AKAP17A: variants seen among roughly 807,000 people sequenced by gnomAD.
AKAP17A encodes A-kinase anchoring protein 17A.
In AKAP17A, 15 loss-of-function variants were observed where a neutral mutation model predicts 52.2. The observed-to-expected ratio is 0.29, with a 90% CI of 0.19 to 0.44. The LOEUF is 0.44. Ranked by LOEUF, AKAP17A falls within the 20% of genes least tolerant of loss-of-function variation. AKAP17A has a pLI of 1.00. For synonymous variants in AKAP17A, 514 were observed against 424.7 expected, an observed-to-expected ratio of 1.21 and a Z score of -2.58; for missense variants, 1,060 against 1,007.0, an observed-to-expected ratio of 1.05 and a Z score of -0.71.
Position 1,600,683 on chromosome X carries a change from C to G in AKAP17A, c.1177C>G (p.Gln393Glu). 5 of 1,544,034 alleles carry G rather than the reference C, an allele frequency of 3.2e-6. No homozygotes were observed. Among genetic ancestry groups the G allele is most frequent in the Non-Finnish European group, 4.4e-6 (5 of 1,145,190 alleles). ...AKAVKLREQEQKEEKLRLQQQ... is the reference protein window; with the variant it reads ...AKAVKLREQEEKEEKLRLQQQ... ...GGCTGTGAAGCTACGGGAACAGGAG[C>G]AGAAGGAGGAGAAGCTGAGGCTCCA... The change falls in exon 5 of 5, where the codon CAG (glutamine) becomes GAG (glutamate). Residue 393 changes from glutamine to glutamate, a missense_variant. This residue lies in a region of AKAP17A where 793 missense variants were observed against 629.9 expected (regional missense o/e 1.26). Transcript: ENST00000313871.
chrX:1,600,326 G>A (rs1480248649), intron 4 of AKAP17A: 40 of 745,766 alleles, frequency 5.4e-5, no homozygotes, highest in East Asian at 1.1e-4. Flanking sequence ...TGACCTAACC[G>A]CAGGCGCCTG....
chrX:1,600,439 A>G (rs1293599049), intron 4 of AKAP17A: 1 of 637,270 alleles, frequency 1.6e-6, no homozygotes, highest in South Asian at 2.0e-5. Context: ...TCTCACTCAG[A>G]CGCATGATGG....
intron 1 of AKAP17A, among the ~76,000 whole-genome samples, chrX:1,592,403 A>G (rs1382197204): frequency 6.7e-6 from 1 of 149,662 alleles, no homozygotes; most frequent in Non-Finnish European, 1.5e-5. Context: ...TTGGGCAGCC[A>G]GGTGTACCGG....
chrX:1,600,133 T>A (rs1466535976), intron 4 of AKAP17A: 1 of 1,301,650 alleles, frequency 7.7e-7, no homozygotes, highest in East Asian at 5.4e-5. Context: ...GTTGTCTGAT[T>A]ACAGTTGTGA....
At chrX:1,600,223 A>C (rs1603460313) in intron 4 of AKAP17A, 2 of 1,316,160 alleles carry the variant, frequency 1.5e-6, no homozygotes, top group Non-Finnish European at 2.0e-6. Flanking sequence ...TATTGAAGAC[A>C]CTAACCCAGG....
In AKAP17A at chrX:1,601,700, C is replaced by T. The variant is rs1933396249; in HGVS notation, c.*106C>T. ...CCGTCCACCCCTGCAAAGCCAAGAC[C>T]CTTCTGCAGCCACGAATGTCCACGG... On this transcript the variant is annotated 3_prime_UTR_variant, in exon 5 of 5. Transcript: ENST00000313871. The T allele has an allele frequency of 1.3e-5, 14 of 1,102,980 alleles. No homozygotes were observed. The highest frequency in any genetic ancestry group is 1.7e-5 in the Non-Finnish European group (14 of 842,838). The allele number at this position is 1,102,980 out of a possible 1,614,324, so 68.3% of individuals were successfully genotyped here.
intron 1 of AKAP17A, among the ~76,000 whole-genome samples, chrX:1,592,778 TA>T (rs1436684522): frequency 3.9e-5 from 6 of 152,128 alleles, no homozygotes; most frequent in African/African-American, 1.4e-4. Context: ...AGAGGTGGGT[TA>T]ATGAAGGTGG....
chrX:1,600,615 A>T, intron 4 of AKAP17A, 44 bp from the exon 5 acceptor site: 2 of 1,479,388 alleles, frequency 1.4e-6, no homozygotes, highest in Non-Finnish European at 9.0e-7. Flanking sequence ...GTGTCCGGCC[A>T]GGCTCAGGAA....
intron 2 of AKAP17A, 27 bp downstream of exon 2, chrX:1,594,251 C>G: frequency 3.3e-6 from 5 of 1,501,686 alleles, no homozygotes; most frequent in Non-Finnish European, 4.4e-6. Context: ...GAGAGAGCCA[C>G]GCGCTTCCTC....
intron 3 of AKAP17A, among the ~76,000 whole-genome samples, chrX:1,595,958 C>CT (rs1386686243): frequency 6.6e-6 from 1 of 152,136 alleles, no homozygotes; most frequent in Non-Finnish European, 1.5e-5. Context: ...GGGTGCTCAG[C>CT]TGTGCACGTG....
chrX:1,594,135 A>G lies in AKAP17A; in HGVS notation c.673A>G (p.Met225Val), dbSNP rs769448040. 5.0e-6 allele frequency: 8 copies of G among 1,611,972 alleles called. No individual in the cohort carries two copies. The highest frequency in any genetic ancestry group is 4.0e-5 in the African/African-American group (3 of 74,876). ...GGCCTATGTGCAGTACCGCGAGTAC[A>G]TGGGCTTCATCCAGGCCATGAGCGC... ...FEAYVQYREYMGFIQAMSALR... is the reference protein window; with the variant it reads ...FEAYVQYREYVGFIQAMSALR... The change falls in exon 2 of 5, where the codon ATG becomes GTG. Residue 225 changes from methionine (M) to valine (V), a missense_variant. Coordinates refer to ENST00000313871, the MANE Select transcript of AKAP17A (RefSeq NM_005088.3).
Position 1,601,817 on chromosome X carries a change from A to G in AKAP17A, c.*223A>G, listed in dbSNP as rs1933402885. On this transcript the variant is annotated 3_prime_UTR_variant, in exon 5 of 5. Coordinates refer to ENST00000313871, the MANE Select transcript of AKAP17A (RefSeq NM_005088.3). ...CTTGGCACTTCAGTTTCAAACACGTAGTCCTTTAAAACTTGATCCGATAGC... is the reference window on the plus strand; with the variant it reads ...CTTGGCACTTCAGTTTCAAACACGTGGTCCTTTAAAACTTGATCCGATAGC... The G allele has an allele frequency of 2.4e-6, 1 of 420,814 alleles. No homozygotes were observed. The allele number at this position is 420,814 out of a possible 1,614,324, so 26.1% of individuals were successfully genotyped here. A position where few individuals can be genotyped will look rare whatever the true frequency, so the allele number is the denominator to read the frequency against.
Position 1,601,822 on chromosome X carries a change from T to C in AKAP17A, c.*228T>C. 1 of 414,250 alleles carries C rather than the reference T, an allele frequency of 2.4e-6. No individual in the cohort carries two copies. The highest frequency in any genetic ancestry group is 4.2e-6 in the Non-Finnish European group (1 of 238,618). The allele number at this position is 414,250 out of a possible 1,614,324, so 25.7% of individuals were successfully genotyped here. Reference sequence around the variant, plus strand: ...CACTTCAGTTTCAAACACGTAGTCCTTTAAAACTTGATCCGATAGCTTTAA... The same window carrying C: ...CACTTCAGTTTCAAACACGTAGTCCCTTAAAACTTGATCCGATAGCTTTAA... On this transcript the variant is annotated 3_prime_UTR_variant, in exon 5 of 5. Coordinates refer to ENST00000313871, the MANE Select transcript of AKAP17A (RefSeq NM_005088.3).
intron 3 of AKAP17A, among the ~76,000 whole-genome samples, chrX:1,598,479 T>TCGTGTTCCATAGGAACAGCTGCGA (rs1933146097): frequency 6.6e-6 from 1 of 152,154 alleles, no homozygotes; most frequent in African/African-American, 2.4e-5. Context: ...CGCCTCCGTG[T>TCGTGTTCCATAGGAACAGCTGCGA]CGTGTTCCAT....
At chrX:1,597,335 G>T (rs1429310566) in intron 3 of AKAP17A, among the ~76,000 whole-genome samples, 1 of 152,156 alleles carries the variant, frequency 6.6e-6, no homozygotes, top group African/African-American at 2.4e-5. Flanking sequence ...GGCCGTGAAT[G>T]TGCTGGGGGG....
Position 1,601,536 on chromosome X carries a change from G to A in AKAP17A, c.2030G>A (p.Arg677Gln), listed in dbSNP as rs200805424. Residue 677 changes from arginine to glutamine, a missense_variant, in exon 5 of 5, where the codon CGA becomes CAA. Coordinates refer to ENST00000313871, the MANE Select transcript of AKAP17A (RefSeq NM_005088.3). ...ASRKHSRHRRRSERSRSRSPS... is the reference protein window; with the variant it reads ...ASRKHSRHRRQSERSRSRSPS... ...AGGAAGCACAGCCGCCACCGCCGCC[G>A]AAGCGAGCGGTCGCGCTCCCGGTCC... 103 of 1,483,376 alleles carry A rather than the reference G, an allele frequency of 6.9e-5. No individual in the cohort carries two copies. The Middle Eastern group carries it at 1.0e-3, about 14-fold the overall frequency. The allele number at this position is 1,483,376 out of a possible 1,614,324, so 91.9% of individuals were successfully genotyped here.
chrX:1,600,332 G>A lies in AKAP17A; in HGVS notation c.1153-327G>A, dbSNP rs185783341. The A allele has an allele frequency of 6.6e-4, 481 of 726,204 alleles. 1 individual carries two copies. In the African/African-American group the frequency reaches 7.5e-3, roughly 11 times the overall value. 45.0% of individuals were successfully genotyped at this position (726,204 alleles called of 1,614,324 possible). The stretch of plus-strand genomic sequence containing the variant: ...GGCCGCTTGTGACCTAACCGCAGGC[G>A]CCTGTGTGCAACGTGGTGGGGCTCC... On this transcript the variant is annotated intron_variant, in intron 4 of 4. Coordinates refer to ENST00000313871, the MANE Select transcript of AKAP17A (RefSeq NM_005088.3).
chrX:1,600,389 C>T, intron 4 of AKAP17A: 2 of 623,334 alleles, frequency 3.2e-6, no homozygotes, highest in Non-Finnish European at 5.5e-6. Context: ...AAGAGGCCCG[C>T]CCTGGGGCTG....
In AKAP17A at chrX:1,596,059, C is replaced by T. The variant is rs191975373; in HGVS notation, c.911+527C>T. Among the ~76,000 whole-genome samples, 205 of 152,078 alleles carry T rather than the reference C, an allele frequency of 1.3e-3. 3 individuals are homozygous for T. In the East Asian group the frequency reaches 0.023, roughly 17 times the overall value. ...CGTCGTGGTCTGACACGATCTCTGC[C>T]GGCTCCCAGGACCGCGCCTTGCCCG... On this transcript the variant is annotated intron_variant, in intron 3 of 4. Coordinates refer to ENST00000313871, the MANE Select transcript of AKAP17A (RefSeq NM_005088.3).
Sources: allele counts gnomAD v4.1 joint callset (sites outside exome capture counted in the v4.1 genomes callset), GRCh38; gene constraint gnomAD v4.1.1; regional missense constraint gnomAD v4.1.1; transcripts MANE v1.5; gene names NCBI Gene and HGNC (gene_info 2026-07-23, HGNC 2026-07-21).